Variants in FAM227A observed in about 807,000 individuals in gnomAD.
The protein encoded by FAM227A is protein FAM227A.
Under a neutral mutation model 74.7 loss-of-function variants are expected in FAM227A, and 80 were observed. The observed-to-expected ratio is 1.07, with a 90% CI of 0.89 to 1.29. The LOEUF (loss-of-function observed/expected upper bound fraction) is 1.29. Ranked by LOEUF, FAM227A falls within the 50% of genes most tolerant of loss-of-function variation. FAM227A has a pLI of 0.00. For missense variants in FAM227A, 654 were observed against 683.4 expected (o/e 0.96, Z 0.48); for synonymous variants, 237 against 241.8 (o/e 0.98, Z 0.19).
At chr22:38,599,718 C>T (rs774725238) in intron 14 of FAM227A, 46 bp downstream of exon 14, 8 of 1,499,886 alleles carry the variant, frequency 5.3e-6, no homozygotes, top group South Asian at 2.6e-5. Flanking sequence ...GAAGAGGACG[C>T]GGGGGCCTGG....
At chr22:38,643,810 C>A (rs2092167836) in intron 3 of FAM227A, among the ~76,000 whole-genome samples, 1 of 151,966 alleles carries the variant, frequency 6.6e-6, no homozygotes, top group Non-Finnish European at 1.5e-5. Context: ...ATATTTGGCA[C>A]TAAAAAGAAA....
chr22:38,647,192 C>T (rs1203804262), intron 2 of FAM227A, among the ~76,000 whole-genome samples: 15 of 151,410 alleles, frequency 9.9e-5, no homozygotes, highest in Non-Finnish European at 1.6e-4. Context: ...GTGCCAGGCA[C>T]GGTGGCTCAC....
chr22:38,651,265 T>C (rs544410020), intron 1 of FAM227A, among the ~76,000 whole-genome samples: 1 of 152,356 alleles, frequency 6.6e-6, no homozygotes, highest in Non-Finnish European at 1.5e-5. Flanking sequence ...CATTCATCTA[T>C]CACAGGACTC....
chr22:38,590,935 C>A (rs553222585), intron 16 of FAM227A, among the ~76,000 whole-genome samples: 1 of 152,194 alleles, frequency 6.6e-6, no homozygotes, highest in African/African-American at 2.4e-5. Context: ...CAGGCACGTA[C>A]TGCCATGCCC....
In FAM227A at chr22:38,645,649, G is replaced by A; in HGVS notation, c.143-4C>T. 1 of 1,547,720 alleles carries A rather than the reference G, an allele frequency of 6.5e-7. No individual in the cohort carries two copies. The highest frequency in any genetic ancestry group is 2.0e-5 in the Admixed American group (1 of 50,650). ...TGCATGGAGCCAATAAGGCATGCTGGGAGGTTAGTCTGCTAAGGAAACTCA... is the reference window on the plus strand; with the variant it reads ...TGCATGGAGCCAATAAGGCATGCTGAGAGGTTAGTCTGCTAAGGAAACTCA... On this transcript the variant is annotated splice_polypyrimidine_tract_variant and splice_region_variant and intron_variant, in intron 2 of 16. Transcript: ENST00000535113.
At chr22:38,609,381 T>C (rs1006725205) in intron 11 of FAM227A, among the ~76,000 whole-genome samples, 8 of 152,094 alleles carry the variant, frequency 5.3e-5, no homozygotes, top group Non-Finnish European at 1.2e-4. Context: ...ACAACAGATA[T>C]TGGGAAACAA....
rs529664507 is a variant in FAM227A at position 38,613,200 on chromosome 22, T to C, written c.1039-5724A>G. 1.3e-3 allele frequency among the ~76,000 whole-genome samples: 100 copies of C among 76,840 alleles called. 2 individuals are homozygous for C. In the South Asian group the frequency reaches 0.031, roughly 24 times the overall value. 50.4% of individuals were successfully genotyped at this position (76,840 alleles called of 152,430 possible). A position where few individuals can be genotyped will look rare whatever the true frequency, so the allele number is the denominator to read the frequency against. On this transcript the variant is annotated intron_variant, in intron 11 of 16. Coordinates refer to ENST00000535113, the MANE Select transcript of FAM227A (RefSeq NM_001013647.2). ...TATTATATATAATATATATATATTA[T>C]ATTATATATATCTATGCTGTATATA...
At chr22:38,605,000 T>C (rs2146244344) in intron 13 of FAM227A, among the ~76,000 whole-genome samples, 1 of 152,256 alleles carries the variant, frequency 6.6e-6, no homozygotes, top group Non-Finnish European at 1.5e-5. Flanking sequence ...TAGTATCACT[T>C]ATTTGCTTTA....
At position 38,596,531 on chromosome 22, in the gene FAM227A, G is replaced by C. The variant is rs575425782; in HGVS notation, c.1532+673C>G. ...GCTGCACTGCAGCCCGGGTGACTGAGTGGGACCCTGTCTCTAAAAATTAAA... is the reference window on the plus strand; with the variant it reads ...GCTGCACTGCAGCCCGGGTGACTGACTGGGACCCTGTCTCTAAAAATTAAA... On this transcript the variant is annotated intron_variant, in intron 15 of 16. Transcript: ENST00000535113. Among the ~76,000 whole-genome samples the C allele has an allele frequency of 1.8e-4, 28 of 152,300 alleles. No individual in the cohort carries two copies. The South Asian group carries it at 5.8e-3, about 32-fold the overall frequency.
chr22:38,597,550 G>A (rs2091074639), intron 14 of FAM227A, among the ~76,000 whole-genome samples, 194 bp from the exon 15 acceptor site: 1 of 152,182 alleles, frequency 6.6e-6, no homozygotes, highest in African/African-American at 2.4e-5. Context: ...GCCTGCTTTG[G>A]AGGGAAGAGG....
chr22:38,586,040 T>G lies in FAM227A; in HGVS notation c.*85A>C. On this transcript the variant is annotated 3_prime_UTR_variant, in exon 17 of 17. Coordinates refer to ENST00000535113, the MANE Select transcript of FAM227A (RefSeq NM_001013647.2). Reference sequence around the variant, plus strand: ...CCTATTTCTGTCTTTGGCCACAATTTTCTTATTTTCTTGTTCCACTCCACC... The same window carrying G: ...CCTATTTCTGTCTTTGGCCACAATTGTCTTATTTTCTTGTTCCACTCCACC... 1 of 1,547,214 alleles carries G rather than the reference T, an allele frequency of 6.5e-7. No individual in the cohort carries two copies. Among genetic ancestry groups the G allele is most frequent in the Non-Finnish European group, 8.7e-7 (1 of 1,145,554 alleles).
intron 16 of FAM227A, among the ~76,000 whole-genome samples, chr22:38,588,434 C>T (rs190795478): frequency 1.5e-3 from 232 of 151,294 alleles, no homozygotes; most frequent in Non-Finnish European, 3.0e-3. Context: ...GCCTGGCCAA[C>T]ATGGTGAAAC....
At chr22:38,626,891 AAT>A (rs1555966997) in intron 8 of FAM227A, among the ~76,000 whole-genome samples, 2,750 of 57,566 alleles carry the variant, frequency 0.048, 219 homozygotes, top group South Asian at 0.056. Flanking sequence ...AAAAAAAAAA[AAT>A]ATATATATAT....
chr22:38,605,098 CTG>C, intron 13 of FAM227A, among the ~76,000 whole-genome samples, 154 bp downstream of exon 13: 1 of 152,266 alleles, frequency 6.6e-6, no homozygotes, highest in East Asian at 1.9e-4. Flanking sequence ...TCTCAGAGGA[CTG>C]TGACAGTAGA....
rs1350679624 is a variant in FAM227A, at chr22:38,643,492, A to G, written c.225+2071T>C. On this transcript the variant is annotated intron_variant, in intron 3 of 16. Transcript: ENST00000535113. ...AATCAGAATGACCAAAATCTAGAAC[A>G]CTGACAACACCAAATACTGGTGAGA... is the stretch of plus-strand genomic sequence containing the variant. Among the ~76,000 whole-genome samples the G allele has an allele frequency of 2.6e-5, 4 of 152,262 alleles. No individual in the cohort carries two copies. In the East Asian group the frequency reaches 7.7e-4, roughly 29 times the overall value.
chr22:38,629,541 C>G (rs1342313423), intron 6 of FAM227A, among the ~76,000 whole-genome samples: 2 of 152,264 alleles, frequency 1.3e-5, no homozygotes, highest in Non-Finnish European at 2.9e-5. Context: ...GTAGGTAGTA[C>G]AGTTATCCTA....
At chr22:38,613,061 A>AAT (rs1169586377) in intron 11 of FAM227A, among the ~76,000 whole-genome samples, 2 of 108,166 alleles carry the variant, frequency 1.8e-5, no homozygotes, top group East Asian at 2.4e-4. Flanking sequence ...TATTATATAT[A>AAT]TGTAAATATA....
chr22:38,624,463 G>A (rs966523857), intron 9 of FAM227A, among the ~76,000 whole-genome samples: 3 of 152,166 alleles, frequency 2.0e-5, no homozygotes, highest in Admixed American at 2.0e-4. Context: ...CCTTAGAAAG[G>A]CCTGCTTGCG....
intron 5 of FAM227A, among the ~76,000 whole-genome samples, chr22:38,638,478 G>A (rs949622974): frequency 6.6e-6 from 1 of 152,142 alleles, no homozygotes; most frequent in Admixed American, 6.6e-5. Flanking sequence ...CAGTGGCTCT[G>A]GATTAGACCT....
Sources: allele counts gnomAD v4.1 joint callset (sites outside exome capture counted in the v4.1 genomes callset), GRCh38; gene constraint gnomAD v4.1.1; transcripts MANE v1.5; gene names NCBI Gene and HGNC (gene_info 2026-07-23, HGNC 2026-07-21).